LCOR: variants seen among roughly 807,000 people sequenced by gnomAD.
LCOR encodes the protein ligand-dependent corepressor.
In LCOR, 14 loss-of-function variants were observed where a neutral mutation model predicts 64.4. The ratio of observed to expected loss-of-function variants is 0.22; its 90% CI spans 0.14 to 0.34. The LOEUF is 0.34. LCOR is among the 10% of genes least tolerant of loss of function. The pLI is 1.00. For missense variants in LCOR, 1,686 were observed against 1,765.3 expected (o/e 0.96, Z 0.80); for synonymous variants, 643 against 642.5 (o/e 1.00, Z -0.01).
At chr10:96,896,132 G>A (rs60554611) in intron 2 of LCOR, among the ~76,000 whole-genome samples, 1,519 of 151,852 alleles carry the variant, frequency 0.01, 22 homozygotes, top group African/African-American at 0.031. Context: ...TTTTTTTCTC[G>A]GCTCTCTAAA....
intron 4 of LCOR, among the ~76,000 whole-genome samples, chr10:96,911,162 A>G (rs943206776): frequency 2.2e-5 from 3 of 134,390 alleles, no homozygotes; most frequent in East Asian, 2.2e-4. Flanking sequence ...CAGTGGTGTC[A>G]TCTTGGCTCA....
At chr10:96,969,410 A>G (rs1240935421) in intron 7 of LCOR, among the ~76,000 whole-genome samples, 1 of 152,244 alleles carries the variant, frequency 6.6e-6, no homozygotes, top group Non-Finnish European at 1.5e-5. Context: ...AAAGACTAAA[A>G]TGGAATAAAA....
At chr10:96,877,930 A>G (rs1846197842) in intron 2 of LCOR, among the ~76,000 whole-genome samples, 1 of 152,162 alleles carries the variant, frequency 6.6e-6, no homozygotes, top group South Asian at 2.1e-4. Flanking sequence ...ATAATAGGAG[A>G]AGAATGAAGC....
chr10:96,967,407 C>T (rs1476891292), intron 7 of LCOR, among the ~76,000 whole-genome samples: 1 of 152,202 alleles, frequency 6.6e-6, no homozygotes, highest in Admixed American at 6.5e-5. Flanking sequence ...GCTGGGATTA[C>T]AAGTATGAGC....
At chr10:96,878,100 A>G (rs1450250966) in intron 2 of LCOR, among the ~76,000 whole-genome samples, 6 of 152,230 alleles carry the variant, frequency 3.9e-5, no homozygotes, top group African/African-American at 9.6e-5. Context: ...ATGCTAGTAC[A>G]TTGAAAAGTG....
At chr10:96,955,811 A>G in intron 7 of LCOR, 1 of 1,614,232 alleles carries the variant, frequency 6.2e-7, no homozygotes, top group East Asian at 2.2e-5. Context: ...AAAACCCTCC[A>G]AAGAAAAAGA....
At chr10:96,900,499 A>C (rs570911537) in intron 2 of LCOR, among the ~76,000 whole-genome samples, 71 of 152,258 alleles carry the variant, frequency 4.7e-4, no homozygotes, top group African/African-American at 1.7e-3. Context: ...GAGAAGAACA[A>C]AAAAGTCAAA....
At chr10:96,840,819 G>A (rs372310674) in intron 2 of LCOR, among the ~76,000 whole-genome samples, 3 of 152,168 alleles carry the variant, frequency 2.0e-5, no homozygotes, top group Non-Finnish European at 2.9e-5. Flanking sequence ...GTAAAGCAGC[G>A]TTTGTTATAA....
chr10:96,874,248 G>A (rs1025728419), intron 2 of LCOR, among the ~76,000 whole-genome samples: 5 of 152,024 alleles, frequency 3.3e-5, no homozygotes, highest in African/African-American at 1.2e-4. Flanking sequence ...TCACTTCCAC[G>A]TGCGCCATCA....
At chr10:96,833,327 A>T in intron 1 of LCOR, 79 bp from the exon 2 acceptor site, 1 of 956,652 alleles carries the variant, frequency 1.0e-6, no homozygotes, top group Non-Finnish European at 1.2e-6. Flanking sequence ...GGGAGCGCGG[A>T]CGGGGGCGCC....
chr10:96,917,015 C>T (rs2134466528), intron 4 of LCOR, among the ~76,000 whole-genome samples: 1 of 152,344 alleles, frequency 6.6e-6, no homozygotes. Flanking sequence ...ATTGCTGGGT[C>T]TAACCTTGTT....
intron 2 of LCOR, among the ~76,000 whole-genome samples, chr10:96,882,701 C>T (rs988018198): frequency 6.6e-6 from 1 of 152,160 alleles, no homozygotes; most frequent in East Asian, 1.9e-4. Context: ...AATAGTTTAA[C>T]TGCTTAAAAA....
intron 7 of LCOR, among the ~76,000 whole-genome samples, chr10:96,954,132 C>A (rs929163460): frequency 6.6e-6 from 1 of 152,134 alleles, no homozygotes; most frequent in Non-Finnish European, 1.5e-5. Flanking sequence ...ATCCCTCTGA[C>A]AGTAATTACT....
At chr10:96,904,118 A>C (rs537240111) in intron 2 of LCOR, among the ~76,000 whole-genome samples, 1 of 152,366 alleles carries the variant, frequency 6.6e-6, no homozygotes, top group South Asian at 2.1e-4. Flanking sequence ...TCATGAGGGC[A>C]GGTAACATGG....
chr10:96,989,692 TA>T lies in LCOR; in HGVS notation c.*4559del, dbSNP rs1475012047. The T allele has an allele frequency of 4.0e-4, 34 of 84,500 alleles. No individual in the cohort carries two copies. The highest frequency in any genetic ancestry group is 2.8e-3 in the South Asian group (7 of 2,540). 5.2% of individuals were successfully genotyped at this position (84,500 alleles called of 1,614,324 possible). Reference sequence around the variant, plus strand: ...GGATAAGGATATATATATATATATATATATTTTTTTTTTTTTTTTTTTTTTT... The same window carrying T: ...GGATAAGGATATATATATATATATATTATTTTTTTTTTTTTTTTTTTTTTT... On this transcript the variant is annotated 3_prime_UTR_variant, in exon 8 of 8. Coordinates refer to ENST00000421806, the MANE Select transcript of LCOR (RefSeq NM_001346516.2).
chr10:96,903,388 C>CT (rs1395998803), intron 2 of LCOR, among the ~76,000 whole-genome samples: 2 of 152,112 alleles, frequency 1.3e-5, no homozygotes, highest in Non-Finnish European at 2.9e-5. Context: ...CCATCCTTGA[C>CT]TAAAACATCG....
chr10:96,833,619 C>A, intron 2 of LCOR, 140 bp downstream of exon 2: 1 of 218,880 alleles, frequency 4.6e-6, no homozygotes, highest in Non-Finnish European at 7.8e-6. Flanking sequence ...GAGATGCCCT[C>A]TCGTCGTCCG....
At chr10:96,973,888 A>G (rs1366911645) in intron 7 of LCOR, among the ~76,000 whole-genome samples, 1 of 152,214 alleles carries the variant, frequency 6.6e-6, no homozygotes, top group African/African-American at 2.4e-5. Flanking sequence ...CCTAAATTCT[A>G]GACTCTCAGA....
rs764368293 is a variant in LCOR at position 96,981,943 on chromosome 10, A to C, written c.1483A>C (p.Lys495Gln). The stretch of plus-strand genomic sequence containing the variant: ...TCAAAAATCAATATTATCTTCTCGG[A>C]AAACAGCCAGAAAGAGTACTCGAGG... ...ENQKSILSSRKTARKSTRGYF... is the reference protein window; with the variant it reads ...ENQKSILSSRQTARKSTRGYF... Residue 495 changes from lysine (K) to glutamine (Q), a missense_variant, in exon 8 of 8, where the codon AAA (lysine) becomes CAA (glutamine). Lys to Gln is a moderately conservative substitution (Grantham distance 53, BLOSUM62 1). Coordinates refer to ENST00000421806, the MANE Select transcript of LCOR (RefSeq NM_001346516.2). The C allele has an allele frequency of 3.7e-6, 6 of 1,614,214 alleles. No individual in the cohort carries two copies. The South Asian group carries it at 6.6e-5, about 18-fold the overall frequency.
Sources: gnomAD v4.1 joint callset for allele counts (sites outside exome capture counted in the v4.1 genomes callset) on GRCh38, gnomAD v4.1.1 for gene constraint, MANE v1.5 for transcripts, NCBI Gene and HGNC (gene_info 2026-07-23, HGNC 2026-07-21) for gene names.